The following ADGRB3 variants were observed in gnomAD, a reference collection of about 807,000 sequenced individuals.
ADGRB3 encodes brain-specific angiogenesis inhibitor 3.
In ADGRB3, 37 loss-of-function variants were observed where a neutral mutation model predicts 193.4. The ratio of observed to expected loss-of-function variants is 0.19; its 90% CI spans 0.15 to 0.25. The LOEUF is 0.25. Ranked by LOEUF, ADGRB3 falls within the 10% of genes least tolerant of loss-of-function variation. The pLI is 1.00. For synonymous variants in ADGRB3, 690 were observed against 644.2 expected (o/e 1.07, Z -1.08); for missense variants, 1,637 against 1,852.9 (o/e 0.88, Z 2.14).
chr6:69,217,750 T>C (rs1765797823), intron 17 of ADGRB3, among the ~76,000 whole-genome samples: 2 of 152,148 alleles, frequency 1.3e-5, no homozygotes, highest in Admixed American at 6.5e-5. Context: ...CTGATTTGCT[T>C]CTCTTCACAG....
chr6:69,144,479 C>T (rs943879366), intron 17 of ADGRB3, among the ~76,000 whole-genome samples: 1 of 152,136 alleles, frequency 6.6e-6, no homozygotes, highest in Non-Finnish European at 1.5e-5. Context: ...GCATCCTTGA[C>T]ATATTCCAGA....
chr6:69,186,344 A>T (rs1016048991), intron 17 of ADGRB3, among the ~76,000 whole-genome samples: 1 of 152,228 alleles, frequency 6.6e-6, no homozygotes, highest in African/African-American at 2.4e-5. Context: ...TTTTCATAGA[A>T]GCAACATTAG....
chr6:68,728,879 A>G (rs796510390), intron 3 of ADGRB3, among the ~76,000 whole-genome samples: 7 of 151,682 alleles, frequency 4.6e-5, no homozygotes, highest in African/African-American at 1.4e-4. Context: ...TGATGTCAGA[A>G]TGTATTGCCC....
At chr6:69,204,018 A>C (rs1469093458) in intron 17 of ADGRB3, among the ~76,000 whole-genome samples, 2 of 152,102 alleles carry the variant, frequency 1.3e-5, no homozygotes, top group Admixed American at 6.6e-5. Flanking sequence ...TTTTTTAACA[A>C]TCCCAAAGCT....
rs1489229874 is a variant in ADGRB3 at position 69,255,426 on chromosome 6, T to A, written c.2814+16200T>A. Among the ~76,000 whole-genome samples the A allele has an allele frequency of 3.9e-5, 6 of 152,228 alleles. No homozygotes were observed. The South Asian group carries it at 1.0e-3, about 26-fold the overall frequency. On this transcript the variant is annotated intron_variant, in intron 20 of 31. Coordinates refer to ENST00000370598, the MANE Select transcript of ADGRB3 (RefSeq NM_001704.3). Reference sequence around the variant, plus strand: ...TAACTGGTGTGAGATGGTATCTCATTGTGGTTTTGACTTGCATTTCTCTGA... The same window carrying A: ...TAACTGGTGTGAGATGGTATCTCATAGTGGTTTTGACTTGCATTTCTCTGA...
chr6:69,185,544 T>C (rs943263081), intron 17 of ADGRB3, among the ~76,000 whole-genome samples: 3 of 152,218 alleles, frequency 2.0e-5, no homozygotes, highest in Non-Finnish European at 4.4e-5. Context: ...TCATTTTATC[T>C]ACCACTATTC....
Position 69,001,817 on chromosome 6 carries a change from G to A in ADGRB3, c.1929+7855G>A, listed in dbSNP as rs1437288116. ...TCACACTTCTGTGGACCTAACAGAA[G>A]ATCAGTGTTTTCCCAATGTTTTTGA... On this transcript the variant is annotated intron_variant, in intron 11 of 31. Transcript: ENST00000370598. Among the ~76,000 whole-genome samples the A allele has an allele frequency of 2.0e-5, 3 of 152,184 alleles. 1 individual carries two copies. In the South Asian group the frequency reaches 6.2e-4, roughly 32 times the overall value.
chr6:69,365,267 GA>G (rs1445635551), intron 29 of ADGRB3, among the ~76,000 whole-genome samples: 1 of 152,032 alleles, frequency 6.6e-6, no homozygotes, highest in Non-Finnish European at 1.5e-5. Flanking sequence ...GGAAAAGAGG[GA>G]AACCTGGGAT....
intron 3 of ADGRB3, among the ~76,000 whole-genome samples, chr6:68,831,297 G>A (rs1223591424): frequency 3.2e-5 from 3 of 92,788 alleles, no homozygotes; most frequent in African/African-American, 1.4e-4. Context: ...CAAAGGTGGA[G>A]AAGATTAAAA....
At chr6:69,100,681 A>G in intron 17 of ADGRB3, among the ~76,000 whole-genome samples, 1 of 151,914 alleles carries the variant, frequency 6.6e-6, no homozygotes, top group Non-Finnish European at 1.5e-5. Flanking sequence ...TTTTCAAAAG[A>G]CAACTTAAAA....
At chr6:68,819,990 C>T (rs1333050837) in intron 3 of ADGRB3, among the ~76,000 whole-genome samples, 1 of 151,968 alleles carries the variant, frequency 6.6e-6, no homozygotes. Flanking sequence ...CCCAATCTTG[C>T]CTATGTCTCT....
intron 17 of ADGRB3, among the ~76,000 whole-genome samples, chr6:69,088,466 G>A (rs545496270): frequency 6.6e-6 from 1 of 152,076 alleles, no homozygotes; most frequent in African/African-American, 2.4e-5. Flanking sequence ...TCTACCTCCC[G>A]GGTTCAAGCG....
intron 11 of ADGRB3, among the ~76,000 whole-genome samples, chr6:68,999,712 C>T (rs1027967713): frequency 1.3e-5 from 2 of 152,058 alleles, no homozygotes; most frequent in Non-Finnish European, 2.9e-5. Flanking sequence ...TGTAAACATC[C>T]GTACTACAGA....
chr6:69,385,993 T>G (rs915365635), intron 31 of ADGRB3, among the ~76,000 whole-genome samples: 1 of 152,044 alleles, frequency 6.6e-6, no homozygotes, highest in African/African-American at 2.4e-5. Flanking sequence ...TTTTTACCAC[T>G]AAAGAAGCCT....
chr6:69,249,265 G>A (rs750236365), intron 20 of ADGRB3, among the ~76,000 whole-genome samples: 11 of 152,104 alleles, frequency 7.2e-5, no homozygotes, highest in Non-Finnish European at 1.3e-4. Flanking sequence ...CATGAGCCAC[G>A]GCGCCCAGCT....
At chr6:69,009,507 T>C (rs997066163) in intron 11 of ADGRB3, among the ~76,000 whole-genome samples, 4 of 151,856 alleles carry the variant, frequency 2.6e-5, no homozygotes, top group African/African-American at 9.7e-5. Context: ...GGAGTACAAA[T>C]AGAGTATGGG....
intron 26 of ADGRB3, among the ~76,000 whole-genome samples, chr6:69,348,126 A>G (rs1247279096): frequency 6.6e-6 from 1 of 152,200 alleles, no homozygotes; most frequent in Non-Finnish European, 1.5e-5. Context: ...CTCCTAGTCC[A>G]TGCAGAGATT....
intron 3 of ADGRB3, among the ~76,000 whole-genome samples, chr6:68,910,979 C>A (rs573554127): frequency 6.6e-6 from 1 of 152,138 alleles, no homozygotes; most frequent in African/African-American, 2.4e-5. Context: ...GGCATTGAAA[C>A]TATAAATTAC....
At chr6:68,780,322 T>C (rs1235706946) in intron 3 of ADGRB3, among the ~76,000 whole-genome samples, 5 of 152,078 alleles carry the variant, frequency 3.3e-5, no homozygotes, top group Non-Finnish European at 7.4e-5. Flanking sequence ...ATACGTTGTT[T>C]GTTATTTTGA....
Sources: gnomAD v4.1 joint callset for allele counts (sites outside exome capture counted in the v4.1 genomes callset) on GRCh38, gnomAD v4.1.1 for gene constraint, MANE v1.5 for transcripts, NCBI Gene and HGNC (gene_info 2026-07-23, HGNC 2026-07-21) for gene names.